The following GRB10 variants were observed in gnomAD, a reference collection of about 807,000 sequenced individuals.
GRB10 encodes growth factor receptor bound protein 10.
GRB10 carries 20 observed loss-of-function variants against 80.9 expected under a neutral mutation model. That is an observed-to-expected ratio of 0.25 (90% CI 0.17 to 0.36). The LOEUF is 0.36. GRB10 is among the 10% of genes least tolerant of loss of function. The probability of loss-of-function intolerance (pLI) is 1.00; values close to 1 mark genes in which losing one functional copy is unlikely to be tolerated. For missense variants in GRB10, 548 were observed against 747.7 expected, an observed-to-expected ratio of 0.73 and a Z score of 3.12; for synonymous variants, 291 against 291.5, an observed-to-expected ratio of 1.00 and a Z score of 0.02.
At chr7:50,715,372 C>T (rs572112023) in intron 4 of GRB10, among the ~76,000 whole-genome samples, 2 of 152,194 alleles carry the variant, frequency 1.3e-5, no homozygotes, top group African/African-American at 4.8e-5. Flanking sequence ...ATAAACAGCA[C>T]AGATCCCAGG....
At chr7:50,733,973 T>C (rs1456170831) in intron 3 of GRB10, among the ~76,000 whole-genome samples, 3 of 152,214 alleles carry the variant, frequency 2.0e-5, no homozygotes, top group Non-Finnish European at 4.4e-5. Context: ...TGCTTGAGTT[T>C]CCAGCCTGCC....
chr7:50,599,919 T>G (rs1441571418), intron 17 of GRB10, among the ~76,000 whole-genome samples: 1 of 152,128 alleles, frequency 6.6e-6, no homozygotes, highest in Non-Finnish European at 1.5e-5. Context: ...GGAAGCTTCT[T>G]CAAACATATG....
intron 5 of GRB10, among the ~76,000 whole-genome samples, chr7:50,701,370 G>A (rs1357447649): frequency 6.6e-6 from 1 of 152,126 alleles, no homozygotes; most frequent in East Asian, 1.9e-4. Flanking sequence ...GTCGACATGG[G>A]AGGATAGCTT....
At chr7:50,620,400 G>A (rs1247929825) in intron 8 of GRB10, among the ~76,000 whole-genome samples, 2 of 152,176 alleles carry the variant, frequency 1.3e-5, no homozygotes, top group African/African-American at 4.8e-5. Context: ...GCATTTCTGA[G>A]TCAAAGTGAT....
intron 2 of GRB10, among the ~76,000 whole-genome samples, chr7:50,776,570 A>G (rs1158442246): frequency 6.6e-6 from 1 of 152,006 alleles, no homozygotes; most frequent in Non-Finnish European, 1.5e-5. Flanking sequence ...TTTCTCTCAC[A>G]TTTTACTGTA....
upstream of GRB10, among the ~76,000 whole-genome samples, chr7:50,787,323 G>A (rs898704807): frequency 6.6e-6 from 1 of 152,076 alleles, no homozygotes; most frequent in Admixed American, 6.5e-5. Flanking sequence ...CTATTGTCTA[G>A]ACCTCTTCAG....
intron 5 of GRB10, among the ~76,000 whole-genome samples, chr7:50,676,263 C>A (rs1416364244): frequency 6.7e-6 from 1 of 150,136 alleles, no homozygotes; most frequent in Non-Finnish European, 1.5e-5. Context: ...GGCCCAGGGC[C>A]CAGGACGTGG....
rs556440238 is a variant in GRB10, at chr7:50,707,737, C to T, written c.52-3829G>A. ...CACGTATTTCAAAGGGTGGGTGGGA[C>T]CAGCCTCCAGATCACCCAGGGCCTG... is the stretch of plus-strand genomic sequence containing the variant. On this transcript the variant is annotated intron_variant, in intron 4 of 18. Coordinates refer to ENST00000401949, the MANE Select transcript of GRB10 (RefSeq NM_001350814.2). Among the ~76,000 whole-genome samples the T allele has an allele frequency of 9.9e-5, 15 of 152,282 alleles. No homozygotes were observed. In the East Asian group the frequency reaches 2.1e-3, roughly 22 times the overall value.
chr7:50,736,798 A>G (rs1049543882), intron 3 of GRB10, among the ~76,000 whole-genome samples: 2 of 152,156 alleles, frequency 1.3e-5, no homozygotes, highest in Non-Finnish European at 2.9e-5. Flanking sequence ...AAAAATAACC[A>G]ATTTTTTTTA....
intron 7 of GRB10, among the ~76,000 whole-genome samples, chr7:50,641,130 G>A (rs1215106382): frequency 7.0e-6 from 1 of 143,480 alleles, no homozygotes; most frequent in African/African-American, 2.7e-5. Context: ...CCTGGACAGA[G>A]AGTCACATCT....
At chr7:50,723,988 A>G (rs371052219) in intron 4 of GRB10, among the ~76,000 whole-genome samples, 43 of 152,354 alleles carry the variant, frequency 2.8e-4, no homozygotes, top group Middle Eastern at 3.4e-3. Context: ...AGCACAGCGG[A>G]GTCACATCAG....
chr7:50,635,342 C>CAACAT (rs1464618657), intron 7 of GRB10, among the ~76,000 whole-genome samples: 1 of 152,086 alleles, frequency 6.6e-6, no homozygotes, highest in African/African-American at 2.4e-5. Flanking sequence ...AATAGAGACA[C>CAACAT]AACATATCAA....
chr7:50,637,301 G>T (rs1042407334), intron 7 of GRB10, among the ~76,000 whole-genome samples: 10 of 152,124 alleles, frequency 6.6e-5, no homozygotes, highest in Non-Finnish European at 1.2e-4. Context: ...ACTTCCGAAA[G>T]ACTCCTAGAC....
intron 4 of GRB10, among the ~76,000 whole-genome samples, chr7:50,704,109 TGGC>T: frequency 6.6e-6 from 1 of 152,364 alleles, no homozygotes; most frequent in Non-Finnish European, 1.5e-5. Flanking sequence ...GCAAGCTGTT[TGGC>T]AAAGGAGTTA....
intron 7 of GRB10, among the ~76,000 whole-genome samples, chr7:50,647,160 T>G (rs1329817485): frequency 2.2e-5 from 3 of 138,544 alleles, no homozygotes; most frequent in Non-Finnish European, 5.0e-5. Context: ...TTAGAATCTA[T>G]CAGTGTCTAA....
chr7:50,764,656 C>T (rs1040602993), intron 2 of GRB10, among the ~76,000 whole-genome samples: 5 of 152,286 alleles, frequency 3.3e-5, no homozygotes, highest in African/African-American at 4.8e-5. Flanking sequence ...CCTGCACAAG[C>T]GCTCAGCCAC....
At chr7:50,770,106 A>G (rs2076831018) in intron 2 of GRB10, among the ~76,000 whole-genome samples, 1 of 152,162 alleles carries the variant, frequency 6.6e-6, no homozygotes, top group Non-Finnish European at 1.5e-5. Flanking sequence ...GAGTCCCTCA[A>G]ATGCTGCTGC....
chr7:50,759,423 G>A (rs1045138417), intron 2 of GRB10, among the ~76,000 whole-genome samples: 6 of 152,078 alleles, frequency 3.9e-5, no homozygotes, highest in Non-Finnish European at 8.8e-5. Context: ...TCGGTTCCAG[G>A]ACACCAGAGA....
At chr7:50,741,296 T>C (rs2071687579) in intron 3 of GRB10, among the ~76,000 whole-genome samples, 1 of 152,064 alleles carries the variant, frequency 6.6e-6, no homozygotes, top group African/African-American at 2.4e-5. Flanking sequence ...TTTATAAACA[T>C]TTGCAAAATT....
Sources: gnomAD v4.1 joint callset for allele counts (sites outside exome capture counted in the v4.1 genomes callset) on GRCh38, gnomAD v4.1.1 for gene constraint, MANE v1.5 for transcripts, NCBI Gene and HGNC (gene_info 2026-07-23, HGNC 2026-07-21) for gene names.